The following GNB1 variants were observed in gnomAD, a reference collection of about 807,000 sequenced individuals.
GNB1 encodes the protein guanine nucleotide-binding protein G(I)/G(S)/G(T) subunit beta-1.
In GNB1, 2 loss-of-function variants were observed where a neutral mutation model predicts 42.9. The observed-to-expected ratio is 0.05, with a 90% CI of 0.02 to 0.15. The LOEUF is 0.15. Ranked by LOEUF, GNB1 falls within the 10% of genes least tolerant of loss-of-function variation. The probability of loss-of-function intolerance (pLI) is 1.00; values close to 1 mark genes in which losing one functional copy is unlikely to be tolerated. For missense variants in GNB1, 193 were observed against 462.2 expected (o/e 0.42, Z 5.34); for synonymous variants, 183 against 174.7 (o/e 1.05, Z -0.38).
At chr1:1,834,769 T>A (rs371356006) in intron 2 of GNB1, among the ~76,000 whole-genome samples, 1 of 150,828 alleles carries the variant, frequency 6.6e-6, no homozygotes, top group African/African-American at 2.4e-5. Context: ...CCCGGGTTCA[T>A]GCCATTCTCC....
At chr1:1,874,282 A>C (rs1324021192) in intron 1 of GNB1, among the ~76,000 whole-genome samples, 1 of 152,138 alleles carries the variant, frequency 6.6e-6, no homozygotes, top group Non-Finnish European at 1.5e-5. Flanking sequence ...CAGCCTGGTC[A>C]ACATGGCAAA....
intron 7 of GNB1, 31 bp downstream of exon 7, chr1:1,804,388 T>A: frequency 6.4e-7 from 1 of 1,555,122 alleles, no homozygotes; most frequent in Non-Finnish European, 8.9e-7. Context: ...ACAGCTTGTG[T>A]CACTTGAAGC....
At chr1:1,874,462 C>T (rs1474985360) in intron 1 of GNB1, among the ~76,000 whole-genome samples, 2 of 151,672 alleles carry the variant, frequency 1.3e-5, no homozygotes, top group African/African-American at 4.8e-5. Context: ...ACAGAGAAAG[C>T]CGGGCGTGGC....
chr1:1,849,089 T>C (rs1162115838), intron 1 of GNB1, among the ~76,000 whole-genome samples: 3 of 152,096 alleles, frequency 2.0e-5, no homozygotes, highest in African/African-American at 7.2e-5. Flanking sequence ...GGGCTAGAGA[T>C]TGTGCTCTAT....
rs1646466491 is a variant in GNB1 at position 1,790,418 on chromosome 1, C to T, written c.676G>A (p.Glu226Lys). Residue 226 changes from glutamate to lysine, a missense_variant, in exon 9 of 12, where the codon GAG (glutamate) becomes AAG (lysine). Transcript: ENST00000378609. This position sits in a 1 kb window ranked among gnomAD's most constrained non-coding sequence, Gnocchi z 5.4. ...ACGCAAATGGCATTGATGTCAGACTCGTGGCCAGTGAAGGTCTGCCGGCAC... is the reference window on the plus strand; with the variant it reads ...ACGCAAATGGCATTGATGTCAGACTTGTGGCCAGTGAAGGTCTGCCGGCAC... ...GMCRQTFTGH[E>K]SDINAICFFP... The T allele has an allele frequency of 6.2e-7, 1 of 1,613,774 alleles. No homozygotes were observed.
rs777707833 is a variant in GNB1, at chr1:1,787,424, C to A, written c.930G>T (p.Gly310=). The change falls in exon 11 of 12, where the codon GGG becomes GGT. Residue 310 remains glycine (G), a synonymous_variant. Transcript: ENST00000378609. This position sits in a 1 kb window ranked among gnomAD's most constrained non-coding sequence, Gnocchi z 4.4. The stretch of plus-strand genomic sequence containing the variant: ...CCAGGCAGCTGACGCGGTTGTCATG[C>A]CCAGCCAAGACACCTGGGAGCAAAC... ...LKADRAGVLA[G]HDNRVSCLGV... 41 of 1,610,234 alleles carry A rather than the reference C, an allele frequency of 2.5e-5. No individual in the cohort carries two copies. The highest frequency in any genetic ancestry group is 3.5e-5 in the Non-Finnish European group (41 of 1,176,628).
At chr1:1,806,335 G>A (rs1209308698) in intron 6 of GNB1, 140 bp downstream of exon 6, 7 of 578,498 alleles carry the variant, frequency 1.2e-5, no homozygotes, top group African/African-American at 7.4e-5. Flanking sequence ...TCTCACCTGC[G>A]CAACTTCACT....
intron 6 of GNB1, among the ~76,000 whole-genome samples, chr1:1,806,002 G>A (rs530236255): frequency 1.3e-5 from 2 of 152,244 alleles, no homozygotes; most frequent in South Asian, 4.1e-4. Context: ...TTACATACAT[G>A]TTTGGACCAA....
chr1:1,844,156 C>A (rs1187384014), intron 1 of GNB1, among the ~76,000 whole-genome samples: 1 of 151,718 alleles, frequency 6.6e-6, no homozygotes, highest in Non-Finnish European at 1.5e-5. Context: ...GATTGCGTCA[C>A]TGCACTCCAG....
At position 1,850,979 on chromosome 1, in the gene GNB1, A is replaced by G. The variant is rs190083877; in HGVS notation, c.-95-11741T>C. ...GGCACCATGTATTTTTCTCAAAAAC[A>G]TACTGGCCGGCCAGGCGCGGTGGCT... is the stretch of plus-strand genomic sequence containing the variant. On this transcript the variant is annotated intron_variant, in intron 1 of 11. Coordinates refer to ENST00000378609, the MANE Select transcript of GNB1 (RefSeq NM_002074.5). Among the ~76,000 whole-genome samples the G allele has an allele frequency of 1.8e-3, 275 of 152,338 alleles. 1 individual carries two copies. The highest frequency in any genetic ancestry group is 6.5e-3 in the African/African-American group (269 of 41,582).
intron 1 of GNB1, among the ~76,000 whole-genome samples, chr1:1,872,115 C>CGGGA (rs1649282517): frequency 2.0e-5 from 3 of 151,922 alleles, no homozygotes; most frequent in African/African-American, 7.3e-5. Context: ...GATGCTCCCT[C>CGGGA]CTCAGCCTCC....
At position 1,802,929 on chromosome 1, in the gene GNB1, T is replaced by A. The variant is rs192239822; in HGVS notation, c.430+1490A>T. ...GAAAATTAAGAAGGCAACTCCAAAG[T>A]AAGCAGAAGGCAGAAAAGAACAGAG... On this transcript the variant is annotated intron_variant, in intron 7 of 11. Transcript: ENST00000378609. 8.9e-4 allele frequency among the ~76,000 whole-genome samples: 135 copies of A among 152,276 alleles called. 2 individuals are homozygous for A. Among genetic ancestry groups the A allele is most frequent in the Middle Eastern group, 6.8e-3 (2 of 294 alleles).
chr1:1,804,607 A>G, intron 6 of GNB1, 26 bp from the exon 7 acceptor site: 1 of 1,527,954 alleles, frequency 6.5e-7, no homozygotes, highest in Non-Finnish European at 8.8e-7. Flanking sequence ...CAGATGATGC[A>G]AACAACTTTA....
At chr1:1,868,170 GTTTTGTTT>G (rs758321601) in intron 1 of GNB1, among the ~76,000 whole-genome samples, 2 of 151,826 alleles carry the variant, frequency 1.3e-5, no homozygotes, top group Non-Finnish European at 2.9e-5. Context: ...TATAGTGTGT[GTTTTGTTT>G]TTTTGTTTTT....
At chr1:1,868,105 C>T (rs1649043006) in intron 1 of GNB1, among the ~76,000 whole-genome samples, 2 of 152,180 alleles carry the variant, frequency 1.3e-5, no homozygotes, top group African/African-American at 4.8e-5. Context: ...GTATTTATGT[C>T]TATCTATTCA....
intron 1 of GNB1, among the ~76,000 whole-genome samples, chr1:1,874,989 T>C (rs922101222): frequency 5.3e-5 from 8 of 151,926 alleles, no homozygotes; most frequent in Non-Finnish European, 1.2e-4. Context: ...TCATAAGGAG[T>C]GCACAGCCTA....
chr1:1,786,109 T>A lies in GNB1; in HGVS notation c.*954A>T. On this transcript the variant is annotated 3_prime_UTR_variant, in exon 12 of 12. Transcript: ENST00000378609. ...GTCTGAGATCATTATTTTCAAAACATTGATTTGTACATTGTTTCATACACA... is the reference window on the plus strand; with the variant it reads ...GTCTGAGATCATTATTTTCAAAACAATGATTTGTACATTGTTTCATACACA... The A allele has an allele frequency of 2.5e-6, 1 of 398,620 alleles. No homozygotes were observed. Among genetic ancestry groups the A allele is most frequent in the Non-Finnish European group, 4.4e-6 (1 of 226,050 alleles). The allele number at this position is 398,620 out of a possible 1,614,324, so 24.7% of individuals were successfully genotyped here. A position where few individuals can be genotyped will look rare whatever the true frequency, so the allele number is the denominator to read the frequency against.
chr1:1,863,314 G>C (rs1038013336), intron 1 of GNB1, among the ~76,000 whole-genome samples: 1 of 152,158 alleles, frequency 6.6e-6, no homozygotes, highest in African/African-American at 2.4e-5. Flanking sequence ...ACCCAATCAT[G>C]TAAGTTATGC....
At chr1:1,796,434 A>C (rs900752737) in intron 7 of GNB1, among the ~76,000 whole-genome samples, 1 of 152,254 alleles carries the variant, frequency 6.6e-6, no homozygotes, top group Admixed American at 6.5e-5. Context: ...GGAAGAGTGA[A>C]AATTCCTCTA....
Sources: allele counts gnomAD v4.1 joint callset (sites outside exome capture counted in the v4.1 genomes callset), GRCh38; gene constraint gnomAD v4.1.1; non-coding constraint Gnocchi (gnomAD v3.1); transcripts MANE v1.5; gene names NCBI Gene and HGNC (gene_info 2026-07-23, HGNC 2026-07-21).